Variants in HNRNPM observed in about 807,000 individuals in gnomAD.
HNRNPM encodes the protein heterogeneous nuclear ribonucleoprotein M, also known as CEA receptor.
HNRNPM carries 11 observed loss-of-function variants against 73.1 expected under a neutral mutation model. The ratio of observed to expected loss-of-function variants is 0.15; its 90% CI spans 0.09 to 0.25. The LOEUF (loss-of-function observed/expected upper bound fraction) is 0.25. Ranked by LOEUF, HNRNPM falls within the 10% of genes least tolerant of loss-of-function variation. The probability of loss-of-function intolerance (pLI) is 1.00; values close to 1 mark genes in which losing one functional copy is unlikely to be tolerated. For missense variants in HNRNPM, 789 were observed against 1,067.9 expected (o/e 0.74, Z 3.64); for synonymous variants, 407 against 355.2 (o/e 1.15, Z -1.64).
intron 10 of HNRNPM, among the ~76,000 whole-genome samples, chr19:8,472,692 C>T (rs1448298425): frequency 5.3e-5 from 8 of 152,208 alleles, no homozygotes; most frequent in Non-Finnish European, 1.5e-5. Flanking sequence ...AAGTGATTCT[C>T]CTGCCTCAGC....
At chr19:8,466,470 G>T in intron 7 of HNRNPM, 82 bp downstream of exon 7, 1 of 1,296,096 alleles carries the variant, frequency 7.7e-7, no homozygotes, top group Non-Finnish European at 1.1e-6. Flanking sequence ...TGAGGAAGAG[G>T]TGACTGTGTG....
intron 12 of HNRNPM, among the ~76,000 whole-genome samples, chr19:8,477,485 T>A (rs1348642283): frequency 6.6e-6 from 1 of 151,942 alleles, no homozygotes; most frequent in South Asian, 2.1e-4. Flanking sequence ...TAGTGAGACC[T>A]CCTCTCTACA....
At chr19:8,461,433 C>A (rs1213466275) in intron 2 of HNRNPM, among the ~76,000 whole-genome samples, 1 of 152,188 alleles carries the variant, frequency 6.6e-6, no homozygotes, top group Non-Finnish European at 1.5e-5. Flanking sequence ...CAGAGGACAA[C>A]AAAAGCCCAT....
In HNRNPM at chr19:8,473,693, A is replaced by G. The variant is rs1358504898; in HGVS notation, c.1027A>G (p.Ile343Val). 3 of 1,572,656 alleles carry G rather than the reference A, an allele frequency of 1.9e-6. No individual in the cohort carries two copies. Among genetic ancestry groups the G allele is most frequent in the South Asian group, 1.1e-5 (1 of 89,568 alleles). ...GMGMEGIGFGINKMGGMEGPF... is the reference protein window; with the variant it reads ...GMGMEGIGFGVNKMGGMEGPF... Reference sequence around the variant, plus strand: ...GGGAATGGAAGGCATAGGATTTGGAATAAATAAAATGGGAGGTAAGAAATT... The same window carrying G: ...GGGAATGGAAGGCATAGGATTTGGAGTAAATAAAATGGGAGGTAAGAAATT... Residue 343 changes from isoleucine (I) to valine (V), a missense_variant, in exon 11 of 16, where the codon ATA becomes GTA. Ile to Val is a conservative substitution (Grantham distance 29). Transcript: ENST00000325495.
chr19:8,472,600 C>T (rs1970227383), intron 10 of HNRNPM, among the ~76,000 whole-genome samples: 2 of 152,150 alleles, frequency 1.3e-5, no homozygotes, highest in South Asian at 2.1e-4. Context: ...TTTATTGAGA[C>T]GGAATTTTGC....
At chr19:8,474,294 G>A (rs764376171) in intron 12 of HNRNPM, 50 bp downstream of exon 12, 4 of 1,382,750 alleles carry the variant, frequency 2.9e-6, no homozygotes, top group Non-Finnish European at 3.9e-6. Flanking sequence ...GCCGGCTGTT[G>A]CCTCTCAGGT....
In HNRNPM at chr19:8,468,817, G is replaced by A. The variant is rs772514246; in HGVS notation, c.878G>A (p.Arg293His). 18 of 1,613,372 alleles carry A rather than the reference G, an allele frequency of 1.1e-5. No homozygotes were observed. Among genetic ancestry groups the A allele is most frequent in the East Asian group, 4.5e-5 (2 of 44,882 alleles). The change falls in exon 9 of 16, where the codon CGT (arginine) becomes CAT (histidine). Residue 293 changes from arginine to histidine, a missense_variant. Arg to His is a conservative substitution (Grantham distance 29, BLOSUM62 0). Around this residue, in one of 4 missense-constraint regions of HNRNPM, gnomAD observed 604 missense variants for 744.0 expected, o/e 0.81. Coordinates refer to ENST00000325495, the MANE Select transcript of HNRNPM (RefSeq NM_005968.5). ...LPKGDFFPPE[R>H]PQQLPHGLGG... ...AAAGGAGATTTCTTCCCTCCTGAGC[G>A]TCCACAACAACTTCCCCGTAAGTGT...
At chr19:8,483,821 C>T (rs1265281040) in intron 13 of HNRNPM, among the ~76,000 whole-genome samples, 3 of 151,976 alleles carry the variant, frequency 2.0e-5, no homozygotes, top group African/African-American at 7.3e-5. Context: ...GCTGGAGTGC[C>T]GTGGTGCAGT....
chr19:8,450,308 T>C (rs181900936), intron 1 of HNRNPM, among the ~76,000 whole-genome samples: 41 of 152,248 alleles, frequency 2.7e-4, no homozygotes, highest in Non-Finnish European at 4.4e-4. Flanking sequence ...ACTCCAAAAG[T>C]AGTGAGTGTT....
At chr19:8,487,612 C>T (rs1458062580) in intron 15 of HNRNPM, 1 of 156,544 alleles carries the variant, frequency 6.4e-6, no homozygotes, top group African/African-American at 2.4e-5. Flanking sequence ...GTCTTCCTTC[C>T]CTGCCCTCCA....
chr19:8,487,164 C>G (rs763864762), intron 15 of HNRNPM, 89 bp downstream of exon 15: 8 of 1,102,384 alleles, frequency 7.3e-6, no homozygotes, highest in East Asian at 2.4e-5. Flanking sequence ...TCCCAGCCCC[C>G]TCCGTCGGCT....
chr19:8,474,958 G>A (rs1397959047), intron 12 of HNRNPM, among the ~76,000 whole-genome samples: 4 of 152,030 alleles, frequency 2.6e-5, no homozygotes, highest in African/African-American at 9.7e-5. Context: ...CATGTGATCC[G>A]CCCGCCTCAG....
At chr19:8,477,232 T>TC (rs1034546155) in intron 12 of HNRNPM, among the ~76,000 whole-genome samples, 1 of 152,032 alleles carries the variant, frequency 6.6e-6, no homozygotes, top group African/African-American at 2.4e-5. Flanking sequence ...AAAAGTGTGA[T>TC]CCCCATTTCA....
intron 13 of HNRNPM, among the ~76,000 whole-genome samples, chr19:8,483,909 G>A (rs915879491): frequency 5.3e-5 from 8 of 152,194 alleles, no homozygotes; most frequent in African/African-American, 1.9e-4. Context: ...GGGACTACAG[G>A]CGTGTGCCAC....
chr19:8,450,222 G>C (rs1968509246), intron 1 of HNRNPM, among the ~76,000 whole-genome samples: 1 of 152,162 alleles, frequency 6.6e-6, no homozygotes, highest in Non-Finnish European at 1.5e-5. Context: ...AGGGGTCCTT[G>C]TCCCTCAGGA....
rs775500833 is a variant in HNRNPM at position 8,473,652 on chromosome 19, T to A, written c.998-12T>A. ...ACATAATTTTAGTTTGCATTGACTT[T>A]TTCTTTTTAAGGAATGGGAATGGAA... On this transcript the variant is annotated splice_polypyrimidine_tract_variant and intron_variant, in intron 10 of 15. Coordinates refer to ENST00000325495, the MANE Select transcript of HNRNPM (RefSeq NM_005968.5). The A allele has an allele frequency of 6.5e-7, 1 of 1,543,910 alleles. No homozygotes were observed.
intron 2 of HNRNPM, among the ~76,000 whole-genome samples, chr19:8,460,537 G>A (rs1381736297): frequency 1.3e-5 from 2 of 152,198 alleles, no homozygotes; most frequent in African/African-American, 4.8e-5. Context: ...GCTATTTCTA[G>A]ACTAGACTGT....
At chr19:8,487,271 A>G in intron 15 of HNRNPM, 196 bp downstream of exon 15, 5 of 622,518 alleles carry the variant, frequency 8.0e-6, no homozygotes, top group South Asian at 3.7e-5. Context: ...CTGTGTTCTC[A>G]TTTCATCCTT....
chr19:8,478,008 A>AATT (rs1170343882), intron 12 of HNRNPM, among the ~76,000 whole-genome samples: 2 of 152,058 alleles, frequency 1.3e-5, no homozygotes, highest in African/African-American at 4.8e-5. Context: ...GAGTTGATGG[A>AATT]ATTATACACA....
Sources: allele counts gnomAD v4.1 joint callset (sites outside exome capture counted in the v4.1 genomes callset), GRCh38; gene constraint gnomAD v4.1.1; regional missense constraint gnomAD v4.1.1; transcripts MANE v1.5; gene names NCBI Gene and HGNC (gene_info 2026-07-23, HGNC 2026-07-21).